Variants in EBF1 observed in about 807,000 individuals in gnomAD.
The protein encoded by EBF1 is transcription factor COE1.
EBF1 carries 10 observed loss-of-function variants against 68.4 expected under a neutral mutation model. That is an observed-to-expected ratio of 0.15 (90% CI 0.09 to 0.25). The LOEUF (loss-of-function observed/expected upper bound fraction) is 0.25. Among genes scored for constraint, EBF1 ranks in the 10% least tolerant of loss-of-function variants. The pLI, the probability that EBF1 is intolerant of heterozygous loss-of-function variation, is 1.00. For missense variants in EBF1, 509 were observed against 794.4 expected (o/e 0.64, Z 4.32); for synonymous variants, 298 against 299.8 (o/e 0.99, Z 0.06).
chr5:158,724,631 T>C (rs916295300), intron 11 of EBF1, among the ~76,000 whole-genome samples: 5 of 152,218 alleles, frequency 3.3e-5, no homozygotes, highest in African/African-American at 1.2e-4. Flanking sequence ...ATGAATGCTC[T>C]TTAGGGAGGG....
chr5:159,041,128 T>A (rs1011323004), intron 6 of EBF1, among the ~76,000 whole-genome samples: 3 of 152,200 alleles, frequency 2.0e-5, no homozygotes, highest in Admixed American at 6.5e-5. Context: ...GTCACACACA[T>A]CAATGGTCAT....
At chr5:158,713,945 G>T (rs999983422) in intron 12 of EBF1, among the ~76,000 whole-genome samples, 172 bp downstream of exon 12, 1 of 152,096 alleles carries the variant, frequency 6.6e-6, no homozygotes, top group Non-Finnish European at 1.5e-5. Flanking sequence ...GGCAATAAAA[G>T]GTTTACAAAA....
chr5:158,941,943 T>C lies in EBF1; in HGVS notation c.555-101833A>G, dbSNP rs546337736. 6.4e-4 allele frequency among the ~76,000 whole-genome samples: 97 copies of C among 152,324 alleles called. 1 individual carries two copies. The highest frequency in any genetic ancestry group is 2.2e-3 in the African/African-American group (92 of 41,566). ...GTAAACAAAAGCCTTGGTATAGTTG[T>C]GAATAGTTTCCCAGCTGATATGTCT... On this transcript the variant is annotated intron_variant, in intron 6 of 15. Transcript: ENST00000313708.
intron 6 of EBF1, among the ~76,000 whole-genome samples, chr5:159,012,370 G>C (rs775529516): frequency 6.6e-6 from 1 of 152,108 alleles, no homozygotes; most frequent in Non-Finnish European, 1.5e-5. Flanking sequence ...TATTAGTTAA[G>C]AGTCTAATCA....
intron 6 of EBF1, among the ~76,000 whole-genome samples, chr5:158,992,262 A>G (rs1760488532): frequency 1.3e-5 from 2 of 152,142 alleles, no homozygotes; most frequent in Admixed American, 1.3e-4. Context: ...CCTAAATGCA[A>G]GTCACTGTAC....
chr5:158,728,054 A>C lies in EBF1; in HGVS notation c.1125+3015T>G, dbSNP rs1034023100. Among the ~76,000 whole-genome samples, 11 of 152,214 alleles carry C rather than the reference A, an allele frequency of 7.2e-5. 1 individual carries two copies. On this transcript the variant is annotated intron_variant, in intron 11 of 15. Transcript: ENST00000313708. ...TTGACAAACACTGACCATGATCCTA[A>C]GAAAGGCGCAGCCCATTTTTATCTC...
chr5:158,939,664 T>C (rs142226469), intron 6 of EBF1, among the ~76,000 whole-genome samples: 143 of 151,796 alleles, frequency 9.4e-4, no homozygotes, highest in African/African-American at 3.0e-3. Context: ...TGCACTACAA[T>C]TGTAGGAAAA....
At chr5:158,813,517 T>C (rs1245214872) in intron 8 of EBF1, among the ~76,000 whole-genome samples, 1 of 152,176 alleles carries the variant, frequency 6.6e-6, no homozygotes, top group Non-Finnish European at 1.5e-5. Flanking sequence ...CCTGCAGAGA[T>C]GGCCAAGGTG....
chr5:158,836,151 T>C (rs1788738469), intron 7 of EBF1, among the ~76,000 whole-genome samples: 2 of 152,206 alleles, frequency 1.3e-5, no homozygotes, highest in South Asian at 4.2e-4. Context: ...TGACAGTGAG[T>C]TCAGTTTGGG....
chr5:158,913,471 G>A (rs1806453842), intron 6 of EBF1, among the ~76,000 whole-genome samples: 1 of 152,154 alleles, frequency 6.6e-6, no homozygotes, highest in Non-Finnish European at 1.5e-5. Flanking sequence ...ATAGCCTTTG[G>A]TGGTCTGCTT....
intron 10 of EBF1, among the ~76,000 whole-genome samples, chr5:158,742,935 G>T (rs746950670): frequency 6.6e-6 from 1 of 152,168 alleles, no homozygotes; most frequent in African/African-American, 2.4e-5. Context: ...AAATAAAATT[G>T]CAGGCTTGCT....
chr5:158,745,212 A>C (rs921891074), intron 10 of EBF1, among the ~76,000 whole-genome samples: 1 of 152,310 alleles, frequency 6.6e-6, no homozygotes, highest in East Asian at 1.9e-4. Context: ...CCACTTCCGC[A>C]ATAACCCCGG....
chr5:158,984,495 A>C (rs748559009), intron 6 of EBF1, among the ~76,000 whole-genome samples: 1 of 152,100 alleles, frequency 6.6e-6, no homozygotes, highest in South Asian at 2.1e-4. Context: ...TGAGCATTAA[A>C]TAATATGGAA....
chr5:158,934,778 AGT>A (rs1242481859), intron 6 of EBF1, among the ~76,000 whole-genome samples: 1 of 152,286 alleles, frequency 6.6e-6, no homozygotes, highest in African/African-American at 2.4e-5. Context: ...CGTTTAGCAC[AGT>A]GCCTGGCACA....
upstream of EBF1, among the ~76,000 whole-genome samples, chr5:159,099,916 G>GAAGAA (rs1783313020): frequency 7.0e-5 from 1 of 14,224 alleles, no homozygotes; most frequent in Non-Finnish European, 1.2e-4. Flanking sequence ...GAAGAAGCAG[G>GAAGAA]AAGAAAAAAA....
intron 6 of EBF1, among the ~76,000 whole-genome samples, chr5:159,022,036 AG>A (rs1766786531): frequency 6.8e-6 from 1 of 146,012 alleles, no homozygotes; most frequent in Admixed American, 7.0e-5. Context: ...TAGCTTTAAA[AG>A]GAACATTTGT....
intron 6 of EBF1, among the ~76,000 whole-genome samples, chr5:159,025,988 G>A (rs1483922009): frequency 1.3e-5 from 2 of 152,156 alleles, no homozygotes; most frequent in East Asian, 1.9e-4. Context: ...ATACAACAGC[G>A]AAACAAAACT....
intron 6 of EBF1, among the ~76,000 whole-genome samples, chr5:158,989,558 C>T (rs557266414): frequency 1.6e-4 from 24 of 152,276 alleles, no homozygotes; most frequent in Admixed American, 1.3e-3. Context: ...AGAAACCTGG[C>T]GGGGACACAG....
Position 158,715,774 on chromosome 5 carries a change from A to G in EBF1, c.1126-1592T>C, listed in dbSNP as rs560019723. 4.6e-5 allele frequency among the ~76,000 whole-genome samples: 7 copies of G among 152,304 alleles called. No individual in the cohort carries two copies. The East Asian group carries it at 1.3e-3, about 29-fold the overall frequency. On this transcript the variant is annotated intron_variant, in intron 11 of 15. Coordinates refer to ENST00000313708, the MANE Select transcript of EBF1 (RefSeq NM_024007.5). ...ATTTACTATTGTACGGGCACACTAA[A>G]CCCTATCCCCAGATCAAATTCAGCC...
Sources: gnomAD v4.1 joint callset for allele counts (sites outside exome capture counted in the v4.1 genomes callset) on GRCh38, gnomAD v4.1.1 for gene constraint, MANE v1.5 for transcripts, NCBI Gene and HGNC (gene_info 2026-07-23, HGNC 2026-07-21) for gene names.